Variants in DZANK1 observed in about 807,000 individuals in gnomAD.
DZANK1 encodes double zinc ribbon and ankyrin repeat-containing protein 1.
DZANK1 carries 91 observed loss-of-function variants against 94.5 expected under a neutral mutation model. The observed-to-expected ratio is 0.96, with a 90% confidence interval of 0.81 to 1.15. The LOEUF (loss-of-function observed/expected upper bound fraction) is 1.15. Ranked by LOEUF, DZANK1 falls within the 50% of genes most tolerant of loss-of-function variation. The pLI is 0.00. For missense variants in DZANK1, 903 were observed against 916.4 expected (o/e 0.99, Z 0.19); for synonymous variants, 312 against 325.3 (o/e 0.96, Z 0.44).
At chr20:18,419,363 G>T (rs764710880) in intron 10 of DZANK1, among the ~76,000 whole-genome samples, 2 of 151,962 alleles carry the variant, frequency 1.3e-5, no homozygotes, top group Non-Finnish European at 2.9e-5. Context: ...AGTAGAAAAT[G>T]AGTGGAGTAG....
In DZANK1 at chr20:18,396,471, C is replaced by T. The variant is rs2056347905; in HGVS notation, c.1611+1G>A. 6.2e-7 allele frequency: 1 copy of T among 1,611,120 alleles called. No individual in the cohort carries two copies. The highest frequency in any genetic ancestry group is 8.5e-7 in the Non-Finnish European group (1 of 1,178,354). ...TGAATAACTTCTGGAGGCTTACTCA[C>T]CTTGTTTGAGACTTGACTATAATTC... On this transcript the variant is annotated splice_donor_variant, in intron 15 of 20. Coordinates refer to ENST00000262547, the Ensembl canonical transcript of DZANK1. LOFTEE classifies it high-confidence loss of function.
intron 2 of DZANK1, 61 bp downstream of exon 2, chr20:18,465,189 A>T: frequency 8.9e-7 from 1 of 1,128,290 alleles, no homozygotes; most frequent in Non-Finnish European, 1.3e-6. Flanking sequence ...ACCAGCAACC[A>T]GATAACACAA....
exon 15 of DZANK1, chr20:18,396,536 G>A (rs948003529): frequency 6.2e-7 from 1 of 1,612,896 alleles, no homozygotes; most frequent in Non-Finnish European, 8.5e-7. Flanking sequence ...GTGGACAGTA[G>A]CAGAGATAAG....
intron 13 of DZANK1, among the ~76,000 whole-genome samples, chr20:18,412,150 A>G (rs1264644998): frequency 1.3e-5 from 2 of 152,208 alleles, no homozygotes; most frequent in Non-Finnish European, 2.9e-5. Context: ...CTTTAAAAAA[A>G]AAATTGTAGA....
At chr20:18,451,377 C>A (rs1392167489) in intron 6 of DZANK1, among the ~76,000 whole-genome samples, 1 of 152,190 alleles carries the variant, frequency 6.6e-6, no homozygotes, top group East Asian at 1.9e-4. Flanking sequence ...GAAATTCTTT[C>A]ATCTCTTGGT....
chr20:18,391,508 C>T (rs1185336106), intron 17 of DZANK1, among the ~76,000 whole-genome samples: 2 of 152,186 alleles, frequency 1.3e-5, no homozygotes, highest in Non-Finnish European at 2.9e-5. Flanking sequence ...GCTGGGATTA[C>T]AGGCGTGAGT....
chr20:18,406,433 T>A (rs2065892350), intron 13 of DZANK1, among the ~76,000 whole-genome samples: 1 of 152,224 alleles, frequency 6.6e-6, no homozygotes, highest in African/African-American at 2.4e-5. Flanking sequence ...CTGACATTTC[T>A]AGGCAAATCC....
intron 6 of DZANK1, among the ~76,000 whole-genome samples, chr20:18,451,343 T>C (rs1432928664): frequency 1.3e-5 from 2 of 152,200 alleles, no homozygotes; most frequent in Non-Finnish European, 2.9e-5. Context: ...TTCAGTAACA[T>C]ATGACATAGA....
At chr20:18,400,585 G>T (rs1457735961) in intron 13 of DZANK1, among the ~76,000 whole-genome samples, 1 of 152,204 alleles carries the variant, frequency 6.6e-6, no homozygotes, top group Non-Finnish European at 1.5e-5. Flanking sequence ...GATGAGGCAT[G>T]CTAGCAATGA....
At chr20:18,465,713 A>G (rs1206682709) in intron 1 of DZANK1, among the ~76,000 whole-genome samples, 2 of 152,204 alleles carry the variant, frequency 1.3e-5, no homozygotes, top group Non-Finnish European at 2.9e-5. Context: ...CCTGTAAATC[A>G]TTATCGCCTT....
At chr20:18,460,400 TTTAAGATTTAAAGTTGTGATTTAAG>T in intron 2 of DZANK1, 94 bp from the exon 3 acceptor site, 1 of 929,666 alleles carries the variant, frequency 1.1e-6, no homozygotes. Flanking sequence ...AAGTGTGTGA[TTTAAGATTTAAAGTTGTGATTTAAG>T]TTAAGATTTA....
intron 19 of DZANK1, among the ~76,000 whole-genome samples, chr20:18,386,176 T>C (rs1212647289): frequency 3.3e-5 from 5 of 152,192 alleles, no homozygotes; most frequent in African/African-American, 1.2e-4. Flanking sequence ...GCTTCCTCTC[T>C]GATGAAGATA....
At chr20:18,409,328 T>A (rs2057118272) in intron 13 of DZANK1, among the ~76,000 whole-genome samples, 1 of 151,936 alleles carries the variant, frequency 6.6e-6, no homozygotes, top group Non-Finnish European at 1.5e-5. Context: ...GTTCAAGGGA[T>A]CCCCAGTATA....
At chr20:18,456,095 A>G (rs2059276059) in intron 3 of DZANK1, among the ~76,000 whole-genome samples, 1 of 152,238 alleles carries the variant, frequency 6.6e-6, no homozygotes. Context: ...TATCTACCAC[A>G]TTCATCATAA....
chr20:18,450,875 T>C (rs945743242), intron 6 of DZANK1, among the ~76,000 whole-genome samples: 5 of 152,164 alleles, frequency 3.3e-5, no homozygotes, highest in Non-Finnish European at 7.3e-5. Flanking sequence ...AATAGTATAG[T>C]AGGCAACTAG....
At chr20:18,390,332 G>A (rs986633057) in intron 18 of DZANK1, 47 bp downstream of exon 18, 4 of 1,563,844 alleles carry the variant, frequency 2.6e-6, no homozygotes, top group Non-Finnish European at 3.5e-6. Context: ...GAGGTGGAAT[G>A]CCAGGCTGAA....
intron 10 of DZANK1, among the ~76,000 whole-genome samples, chr20:18,422,869 A>AT (rs917376368): frequency 1.6e-5 from 2 of 128,196 alleles, no homozygotes; most frequent in African/African-American, 2.9e-5. Context: ...AAATTTTAAG[A>AT]TTTTTTTCTA....
chr20:18,430,441 A>T (rs1426033631), intron 9 of DZANK1, among the ~76,000 whole-genome samples: 1 of 152,254 alleles, frequency 6.6e-6, no homozygotes, highest in Non-Finnish European at 1.5e-5. Flanking sequence ...AGGAAACTGT[A>T]GTAGCTCTTC....
At chr20:18,456,326 C>T (rs148784117) in intron 3 of DZANK1, among the ~76,000 whole-genome samples, 1 of 152,290 alleles carries the variant, frequency 6.6e-6, no homozygotes, top group Non-Finnish European at 1.5e-5. Context: ...CATAAGAAGA[C>T]AATGTAGCCG....
Sources: gnomAD v4.1 joint callset for allele counts (sites outside exome capture counted in the v4.1 genomes callset) on GRCh38, gnomAD v4.1.1 for gene constraint, MANE v1.5 for transcripts, NCBI Gene and HGNC (gene_info 2026-07-23, HGNC 2026-07-21) for gene names.